The following ABCC1 variants were observed in gnomAD, a reference collection of about 807,000 sequenced individuals.
The protein encoded by ABCC1 is ATP binding cassette subfamily C member 1 (ABCC1 blood group).
ABCC1 carries 83 observed loss-of-function variants against 172.9 expected under a neutral mutation model. The observed-to-expected ratio is 0.48, with a 90% CI of 0.40 to 0.58. ABCC1 has a LOEUF of 0.58. Ranked by LOEUF, ABCC1 falls within the 20% of genes least tolerant of loss-of-function variation. ABCC1 has a pLI of 0.00. For missense variants in ABCC1, 1,817 were observed against 2,002.7 expected (o/e 0.91, Z 1.77); for synonymous variants, 937 against 825.2 (o/e 1.14, Z -2.32).
chr16:16,060,825 CCTT>C (rs954614296), intron 12 of ABCC1, among the ~76,000 whole-genome samples: 1 of 151,574 alleles, frequency 6.6e-6, no homozygotes, highest in Admixed American at 6.6e-5. Flanking sequence ...CCTGGACTCT[CCTT>C]TTTTTTTGAG....
chr16:15,949,567 C>A (rs1476820057), upstream of ABCC1: 21 of 169,026 alleles, frequency 1.2e-4, no homozygotes, highest in African/African-American at 4.9e-4. Flanking sequence ...CCCCGTGACG[C>A]GCGGGCCAAC....
intron 12 of ABCC1, among the ~76,000 whole-genome samples, chr16:16,057,931 C>T (rs1046612587): frequency 3.3e-5 from 5 of 152,204 alleles, no homozygotes; most frequent in Admixed American, 6.6e-5. Context: ...GCACTGCTAC[C>T]ACTCCCAGCT....
intron 5 of ABCC1, among the ~76,000 whole-genome samples, chr16:16,017,363 T>C (rs1478346806): frequency 6.6e-6 from 1 of 152,098 alleles, no homozygotes; most frequent in African/African-American, 2.4e-5. Context: ...TCTGAGTAGC[T>C]GGAATTACAG....
intron 1 of ABCC1, among the ~76,000 whole-genome samples, chr16:15,999,971 C>T (rs2047237820): frequency 6.7e-6 from 1 of 149,766 alleles, no homozygotes; most frequent in South Asian, 2.1e-4. Flanking sequence ...TCTTCTGCCT[C>T]AGCCTCCCGA....
intron 1 of ABCC1, among the ~76,000 whole-genome samples, chr16:15,970,122 C>A (rs1191171670): frequency 6.6e-6 from 1 of 152,082 alleles, no homozygotes; most frequent in African/African-American, 2.4e-5. Context: ...TCAAAGACCC[C>A]AAATATAGTG....
chr16:15,968,125 TC>T (rs2046288324), intron 1 of ABCC1, among the ~76,000 whole-genome samples: 2 of 152,160 alleles, frequency 1.3e-5, no homozygotes, highest in Non-Finnish European at 2.9e-5. Context: ...CCTCCCAAGT[TC>T]AAGTGATTCT....
At chr16:16,112,432 T>C (rs990476391) in intron 22 of ABCC1, among the ~76,000 whole-genome samples, 8 of 152,086 alleles carry the variant, frequency 5.3e-5, no homozygotes, top group Admixed American at 5.2e-4. Flanking sequence ...AGTCCTCAAA[T>C]GCAGCAGCGT....
chr16:16,042,225 C>T (rs1452886958), intron 7 of ABCC1, among the ~76,000 whole-genome samples: 2 of 151,024 alleles, frequency 1.3e-5, no homozygotes, highest in Non-Finnish European at 1.5e-5. Flanking sequence ...CCACCAGTCA[C>T]CCCCTTCCCA....
chr16:16,048,032 C>G, intron 9 of ABCC1, 110 bp from the exon 10 acceptor site: 1 of 1,356,212 alleles, frequency 7.4e-7, no homozygotes, highest in Non-Finnish European at 1.0e-6. Context: ...GAGGAGAGAT[C>G]TGCGGCATTT....
intron 16 of ABCC1, among the ~76,000 whole-genome samples, chr16:16,079,836 C>T (rs2050737710): frequency 6.8e-6 from 1 of 147,216 alleles, no homozygotes; most frequent in Non-Finnish European, 1.5e-5. Context: ...TTTTTTGAGA[C>T]AGGGTCAGGC....
At chr16:15,949,493 C>T (rs1471082396), upstream of ABCC1, 1 of 145,794 alleles carries the variant, frequency 6.9e-6, no homozygotes, top group African/African-American at 2.5e-5. Context: ...TCCGGCTGCC[C>T]ACGCCGAGAC....
intron 1 of ABCC1, among the ~76,000 whole-genome samples, chr16:15,979,538 T>C (rs2046573480): frequency 6.6e-6 from 1 of 152,116 alleles, no homozygotes; most frequent in African/African-American, 2.4e-5. Flanking sequence ...TGTTGAGATA[T>C]AATTCACATA....
chr16:16,050,620 A>G lies in ABCC1; in HGVS notation c.1381-2104A>G, dbSNP rs971033283. On this transcript the variant is annotated intron_variant, in intron 10 of 30. Transcript: ENST00000399410. ...TGTCTAATAGGCTGGGTACAGATAT[A>G]GGTGGCATGCGCCTGTAATCCCTGC... is the stretch of plus-strand genomic sequence containing the variant. Among the ~76,000 whole-genome samples, 3 of 150,008 alleles carry G rather than the reference A, an allele frequency of 2.0e-5. No homozygotes were observed. In the Admixed American group the frequency reaches 2.0e-4, roughly 10 times the overall value.
intron 20 of ABCC1, among the ~76,000 whole-genome samples, chr16:16,104,134 A>G (rs1472860256): frequency 6.6e-6 from 1 of 152,190 alleles, no homozygotes; most frequent in Non-Finnish European, 1.5e-5. Context: ...ACAGCTCACA[A>G]AGGCAATGTG....
intron 13 of ABCC1, among the ~76,000 whole-genome samples, chr16:16,069,821 C>T (rs972568571): frequency 3.3e-5 from 5 of 152,130 alleles, no homozygotes; most frequent in East Asian, 1.9e-4. Context: ...GTCAGGAGTT[C>T]GAGACCAGCC....
chr16:15,951,010 T>G (rs141683334), intron 1 of ABCC1, among the ~76,000 whole-genome samples: 2 of 152,208 alleles, frequency 1.3e-5, no homozygotes, highest in African/African-American at 4.8e-5. Flanking sequence ...CCAGTGGGGT[T>G]GGAGAGTAAC....
intron 1 of ABCC1, among the ~76,000 whole-genome samples, chr16:15,957,002 A>G (rs919119735): frequency 1.3e-5 from 2 of 152,180 alleles, no homozygotes; most frequent in Non-Finnish European, 1.5e-5. Flanking sequence ...GATTTTAAGG[A>G]TGAAATAATC....
chr16:16,087,126 C>T, intron 18 of ABCC1, 135 bp downstream of exon 18: 2 of 1,080,572 alleles, frequency 1.9e-6, no homozygotes, highest in South Asian at 3.3e-5. Context: ...ACACATTTCT[C>T]ATGCTTGTCT....
chr16:16,073,955 C>T (rs35791790), intron 14 of ABCC1, among the ~76,000 whole-genome samples: 16,964 of 152,204 alleles, frequency 0.11, 1,075 homozygotes, highest in Middle Eastern at 0.22. Flanking sequence ...TCTTTAGTGG[C>T]ACCTAAAACG....
Sources: gnomAD v4.1 joint callset for allele counts (sites outside exome capture counted in the v4.1 genomes callset) on GRCh38, gnomAD v4.1.1 for gene constraint, MANE v1.5 for transcripts, NCBI Gene and HGNC (gene_info 2026-07-23, HGNC 2026-07-21) for gene names.